The following RFX7 variants were observed in gnomAD, a reference collection of about 807,000 sequenced individuals.
RFX7 encodes the protein DNA-binding protein RFX7.
In RFX7, 26 loss-of-function variants were observed where a neutral mutation model predicts 111.8. The ratio of observed to expected loss-of-function variants is 0.23; its 90% confidence interval spans 0.17 to 0.32. The LOEUF (loss-of-function observed/expected upper bound fraction) is 0.32. Among genes scored for constraint, RFX7 ranks in the 10% least tolerant of loss-of-function variants. The pLI is 1.00. For missense variants in RFX7, 1,573 were observed against 1,772.9 expected (o/e 0.89, Z 2.02); for synonymous variants, 624 against 624.4 (o/e 1.00, Z 0.01).
chr15:56,202,007 G>C (rs1156509891), intron 2 of RFX7, among the ~76,000 whole-genome samples: 1 of 152,036 alleles, frequency 6.6e-6, no homozygotes, highest in African/African-American at 2.4e-5. Context: ...CTCCAGCCTG[G>C]GCGACAGAGC....
chr15:56,189,134 A>T (rs1456017643), intron 2 of RFX7, among the ~76,000 whole-genome samples: 1 of 152,202 alleles, frequency 6.6e-6, no homozygotes, highest in East Asian at 1.9e-4. Context: ...AAACATTTTT[A>T]AAAAGGCTTT....
At chr15:56,109,143 C>G (rs2041872621) in intron 5 of RFX7, among the ~76,000 whole-genome samples, 1 of 152,206 alleles carries the variant, frequency 6.6e-6, no homozygotes, top group Non-Finnish European at 1.5e-5. Flanking sequence ...TGCAACCTCC[C>G]TGCCTGATTC....
Position 56,093,097 on chromosome 15 carries a change from A to G in RFX7, c.*248T>C, listed in dbSNP as rs530939752. ...CTTGTAACAGCTGGATAGTCAATCA[A>G]TGTGAATAAATGGGGCACATTATAA... On this transcript the variant is annotated 3_prime_UTR_variant, in exon 10 of 10. Transcript: ENST00000559447. 58 of 412,806 alleles carry G rather than the reference A, an allele frequency of 1.4e-4. No homozygotes were observed. Among genetic ancestry groups the G allele is most frequent in the African/African-American group, 1.1e-3 (53 of 50,302 alleles). The allele number at this position is 412,806 out of a possible 1,614,324, so 25.6% of individuals were successfully genotyped here.
At chr15:56,201,697 G>A (rs16976820) in intron 2 of RFX7, among the ~76,000 whole-genome samples, 10,196 of 152,162 alleles carry the variant, frequency 0.067, 457 homozygotes, top group Admixed American at 0.11. Flanking sequence ...ACTTCAAAGC[G>A]ATGTATGGAT....
At chr15:56,154,985 T>C (rs2042631628) in intron 3 of RFX7, among the ~76,000 whole-genome samples, 1 of 152,162 alleles carries the variant, frequency 6.6e-6, no homozygotes, top group Non-Finnish European at 1.5e-5. Context: ...CAGACACTTC[T>C]CGAAAGAAGA....
At chr15:56,126,583 T>C (rs2042149007) in intron 5 of RFX7, among the ~76,000 whole-genome samples, 1 of 152,014 alleles carries the variant, frequency 6.6e-6, no homozygotes, top group African/African-American at 2.4e-5. Flanking sequence ...TAAATGTAAA[T>C]GGATTAAATT....
chr15:56,131,855 T>A (rs1425993746), intron 5 of RFX7, among the ~76,000 whole-genome samples: 3 of 151,324 alleles, frequency 2.0e-5, no homozygotes, highest in African/African-American at 7.3e-5. Context: ...TCTAGAAAAG[T>A]CAAAAGTAAC....
intron 5 of RFX7, among the ~76,000 whole-genome samples, chr15:56,141,279 TG>T (rs2042389013): frequency 1.1e-5 from 1 of 88,284 alleles, no homozygotes; most frequent in Non-Finnish European, 2.2e-5. Context: ...GCCCTGGGGG[TG>T]GGGGTGGGAG....
chr15:56,137,512 C>G (rs1443452225), intron 5 of RFX7, among the ~76,000 whole-genome samples: 1 of 151,742 alleles, frequency 6.6e-6, no homozygotes, highest in Admixed American at 6.6e-5. Context: ...CTCTTTTTTT[C>G]TTATTAGTCT....
intron 2 of RFX7, among the ~76,000 whole-genome samples, chr15:56,211,264 G>A (rs1172287194): frequency 1.3e-5 from 2 of 152,030 alleles, no homozygotes; most frequent in Non-Finnish European, 2.9e-5. Flanking sequence ...ATAGCCAACT[G>A]ATCTTTGACA....
chr15:56,173,322 T>G (rs865995256), intron 3 of RFX7, among the ~76,000 whole-genome samples: 1 of 152,008 alleles, frequency 6.6e-6, no homozygotes, highest in African/African-American at 2.4e-5. Flanking sequence ...TTCAATACAC[T>G]TTAAAGGAAG....
chr15:56,143,985 T>A (rs1439654844), intron 4 of RFX7, among the ~76,000 whole-genome samples: 1 of 152,212 alleles, frequency 6.6e-6, no homozygotes, highest in East Asian at 1.9e-4. Flanking sequence ...TCATGTTTCA[T>A]ACAGGCAATT....
intron 3 of RFX7, among the ~76,000 whole-genome samples, chr15:56,170,976 G>C (rs1567035746): frequency 1.3e-5 from 2 of 152,154 alleles, no homozygotes; most frequent in South Asian, 4.1e-4. Flanking sequence ...CCAATGAAAG[G>C]TTTTAAGCAA....
chr15:56,221,115 T>G (rs1246646915), intron 2 of RFX7, among the ~76,000 whole-genome samples: 4 of 152,220 alleles, frequency 2.6e-5, no homozygotes, highest in African/African-American at 9.7e-5. Flanking sequence ...CAGGTTAATG[T>G]GATGCCTCCC....
At chr15:56,227,991 G>A (rs1567053561) in intron 2 of RFX7, among the ~76,000 whole-genome samples, 1 of 151,978 alleles carries the variant, frequency 6.6e-6, no homozygotes, top group Non-Finnish European at 1.5e-5. Context: ...TTCTAGGTTG[G>A]CGGTTTTACT....
At chr15:56,107,341 T>G (rs1431296500) in intron 5 of RFX7, among the ~76,000 whole-genome samples, 1 of 150,510 alleles carries the variant, frequency 6.6e-6, no homozygotes, top group Non-Finnish European at 1.5e-5. Context: ...AATTGTTTTT[T>G]TTTTTCTCTT....
rs561261236 is a variant in RFX7, at chr15:56,181,811, T to C, written c.162-2508A>G. 2.7e-3 allele frequency among the ~76,000 whole-genome samples: 112 copies of C among 41,446 alleles called. 1 individual carries two copies. The highest frequency in any genetic ancestry group is 4.2e-3 in the African/African-American group (42 of 9,912). The allele number at this position is 41,446 out of a possible 152,430, so 27.2% of individuals were successfully genotyped here. A position where few individuals can be genotyped will look rare whatever the true frequency, so the allele number is the denominator to read the frequency against. ...ACCTCTAAAAAATATATGTAAATGA[T>C]AGCCTTTTAAAGCAGGGTCCCCAAC... On this transcript the variant is annotated intron_variant, in intron 2 of 9. Transcript: ENST00000559447.
intron 3 of RFX7, among the ~76,000 whole-genome samples, chr15:56,162,993 A>G (rs980927316): frequency 3.3e-5 from 5 of 151,746 alleles, no homozygotes; most frequent in African/African-American, 1.2e-4. Flanking sequence ...GTGATCTTCT[A>G]CCCATGAGCC....
At chr15:56,236,780 C>T (rs1031040548) in intron 2 of RFX7, among the ~76,000 whole-genome samples, 2 of 152,090 alleles carry the variant, frequency 1.3e-5, no homozygotes, top group East Asian at 3.8e-4. Context: ...ATAAAGAAGA[C>T]AAAACAAAAG....
Sources: allele counts gnomAD v4.1 joint callset (sites outside exome capture counted in the v4.1 genomes callset), GRCh38; gene constraint gnomAD v4.1.1; transcripts MANE v1.5; gene names NCBI Gene and HGNC (gene_info 2026-07-23, HGNC 2026-07-21).